Variants in ASAP1 observed in about 807,000 individuals in gnomAD.
ASAP1 encodes the protein arf-GAP with SH3 domain, ANK repeat and PH domain-containing protein 1.
In ASAP1, 43 loss-of-function variants were observed where a neutral mutation model predicts 145.2. The ratio of observed to expected loss-of-function variants is 0.30; its 90% CI spans 0.23 to 0.38. The LOEUF (loss-of-function observed/expected upper bound fraction) is 0.38. Ranked by LOEUF, ASAP1 falls within the 10% of genes least tolerant of loss-of-function variation. The pLI, the probability that ASAP1 is intolerant of heterozygous loss-of-function variation, is 1.00. For missense variants in ASAP1, 1,018 were observed against 1,355.3 expected (o/e 0.75, Z 3.91); for synonymous variants, 546 against 515.5 (o/e 1.06, Z -0.80).
intron 27 of ASAP1, among the ~76,000 whole-genome samples, chr8:130,075,047 G>A (rs902902904): frequency 3.3e-5 from 5 of 152,182 alleles, no homozygotes; most frequent in African/African-American, 1.2e-4. Context: ...AAGCCCCATG[G>A]GCACTGGGAA....
chr8:130,160,058 G>A, intron 11 of ASAP1, 94 bp from the exon 12 acceptor site: 1 of 1,051,812 alleles, frequency 9.5e-7, no homozygotes, highest in Non-Finnish European at 1.5e-6. Context: ...ACTGGTCTGG[G>A]TCTAAGGGAA....
intron 3 of ASAP1, among the ~76,000 whole-genome samples, chr8:130,295,026 G>C (rs542639310): frequency 2.0e-5 from 3 of 152,188 alleles, no homozygotes; most frequent in Non-Finnish European, 4.4e-5. Flanking sequence ...TGCTTTGGGA[G>C]GCTGAGGTGG....
At chr8:130,309,273 T>C (rs1432799587) in intron 3 of ASAP1, among the ~76,000 whole-genome samples, 1 of 152,166 alleles carries the variant, frequency 6.6e-6, no homozygotes, top group Non-Finnish European at 1.5e-5. Context: ...GCAATTAATT[T>C]CAACAGAATG....
At chr8:130,333,678 T>C (rs536832561) in intron 3 of ASAP1, among the ~76,000 whole-genome samples, 26 of 152,322 alleles carry the variant, frequency 1.7e-4, no homozygotes, top group African/African-American at 2.6e-4. Flanking sequence ...GCAGGGCATA[T>C]TGCCATCATG....
intron 4 of ASAP1, among the ~76,000 whole-genome samples, chr8:130,215,559 C>T (rs557661993): frequency 1.4e-4 from 22 of 152,148 alleles, no homozygotes; most frequent in African/African-American, 3.6e-4. Flanking sequence ...CTGACTAACA[C>T]GGTGAAACCC....
chr8:130,160,515 A>T (rs555233053), intron 11 of ASAP1, among the ~76,000 whole-genome samples: 15 of 148,212 alleles, frequency 1.0e-4, no homozygotes, highest in Admixed American at 3.4e-4. Context: ...ACATTTTTTA[A>T]ATTAAGACAA....
At chr8:130,060,142 G>T (rs186513686) in intron 28 of ASAP1, among the ~76,000 whole-genome samples, 1 of 150,516 alleles carries the variant, frequency 6.6e-6, no homozygotes, top group East Asian at 2.0e-4. Flanking sequence ...CCCCGAGAGG[G>T]AAATTGGTTT....
At chr8:130,087,108 C>A (rs2097495073) in intron 25 of ASAP1, among the ~76,000 whole-genome samples, 2 of 152,174 alleles carry the variant, frequency 1.3e-5, no homozygotes, top group Admixed American at 6.6e-5. Context: ...AAAGTGTGAT[C>A]ATCAGCAGAG....
At chr8:130,350,787 C>T (rs2138044978) in intron 3 of ASAP1, among the ~76,000 whole-genome samples, 1 of 152,318 alleles carries the variant, frequency 6.6e-6, no homozygotes, top group South Asian at 2.1e-4. Context: ...AACTAACACC[C>T]AGCAAAAACT....
At chr8:130,058,546 A>G (rs1226222068) in intron 28 of ASAP1, among the ~76,000 whole-genome samples, 1 of 152,260 alleles carries the variant, frequency 6.6e-6, no homozygotes, top group Non-Finnish European at 1.5e-5. Flanking sequence ...CAAAACAGCA[A>G]GTCAGTACAT....
At position 130,149,689 on chromosome 8, in the gene ASAP1, T is replaced by C. The variant is rs114562592; in HGVS notation, c.1080+3047A>G. On this transcript the variant is annotated intron_variant, in intron 13 of 29. Transcript: ENST00000518721. Reference sequence around the variant, plus strand: ...TGACAACAAAAGCTCTTCTCCCCACTTTTTCAAAGAAGCCCTTTATGTTTT... The same window carrying C: ...TGACAACAAAAGCTCTTCTCCCCACCTTTTCAAAGAAGCCCTTTATGTTTT... 3.3e-3 allele frequency among the ~76,000 whole-genome samples: 504 copies of C among 152,324 alleles called. 2 individuals carry two copies. The highest frequency in any genetic ancestry group is 0.012 in the African/African-American group (480 of 41,570).
intron 3 of ASAP1, among the ~76,000 whole-genome samples, chr8:130,242,523 T>C (rs1818600807): frequency 6.6e-6 from 1 of 152,064 alleles, no homozygotes; most frequent in South Asian, 2.1e-4. Flanking sequence ...TGTTGGGCAA[T>C]CATGCTACCT....
At chr8:130,277,196 G>A (rs1820965364) in intron 3 of ASAP1, among the ~76,000 whole-genome samples, 1 of 152,122 alleles carries the variant, frequency 6.6e-6, no homozygotes, top group African/African-American at 2.4e-5. Context: ...AGTGAGACTG[G>A]AGAGAAAGCA....
In ASAP1 at chr8:130,296,310, T is replaced by C. The variant is rs543185485; in HGVS notation, c.187-59316A>G. Among the ~76,000 whole-genome samples the C allele has an allele frequency of 9.8e-5, 15 of 152,314 alleles. No individual in the cohort carries two copies. The East Asian group carries it at 2.5e-3, about 25-fold the overall frequency. ...GTTTGCATTTGGGTGCTTCTCTGTA[T>C]GAAGGACAGGTATTCTCTGTTCATG... On this transcript the variant is annotated intron_variant, in intron 3 of 29. Transcript: ENST00000518721.
intron 23 of ASAP1, among the ~76,000 whole-genome samples, chr8:130,113,775 T>C (rs1161654043): frequency 7.0e-6 from 1 of 142,020 alleles, no homozygotes; most frequent in African/African-American, 2.6e-5. Flanking sequence ...CCTTATGTAC[T>C]TTTTTTTTTT....
intron 3 of ASAP1, among the ~76,000 whole-genome samples, chr8:130,317,884 G>A (rs372569409): frequency 6.6e-6 from 1 of 152,300 alleles, no homozygotes; most frequent in African/African-American, 2.4e-5. Context: ...CTATAATCCT[G>A]AGGAGGAGGG....
intron 4 of ASAP1, among the ~76,000 whole-genome samples, chr8:130,215,066 A>G (rs1251590022): frequency 1.3e-5 from 2 of 151,806 alleles, no homozygotes; most frequent in African/African-American, 4.8e-5. Flanking sequence ...ATGCCCGGCT[A>G]ATTTTTTGTA....
At position 130,132,160 on chromosome 8, in the gene ASAP1, A is replaced by G. The variant is rs114506899; in HGVS notation, c.1217+2136T>C. On this transcript the variant is annotated intron_variant, in intron 15 of 29. Transcript: ENST00000518721. ...ATCCTAGCTTACTAGGACTGTTACC[A>G]TGGGCACATTGTGCCTCTGTTTCCT... Among the ~76,000 whole-genome samples, 1,264 of 152,340 alleles carry G rather than the reference A, an allele frequency of 8.3e-3. 19 individuals are homozygous for G. The highest frequency in any genetic ancestry group is 0.029 in the African/African-American group (1,217 of 41,572).
chr8:130,072,825 G>GTGTGCGTGTGCGCGTGCGCGCGCA lies in ASAP1; in HGVS notation c.2701+3522_2701+3523insTGCGCGCGCACGCGCACACGCACA. On this transcript the variant is annotated intron_variant, in intron 27 of 29. Transcript: ENST00000518721. ...TGTGTGTGTGTGTGTGTGTGTGTGT[G>GTGTGCGTGTGCGCGTGCGCGCGCA]CGCGCGGGGGGGGGCAGTTTTGGGG... Among the ~76,000 whole-genome samples the GTGTGCGTGTGCGCGTGCGCGCGCA allele has an allele frequency of 9.2e-5, 5 of 54,116 alleles. No homozygotes were observed. In the East Asian group the frequency reaches 1.6e-3, roughly 17 times the overall value. The allele number at this position is 54,116 out of a possible 152,430, so 35.5% of individuals were successfully genotyped here.
Sources: allele counts gnomAD v4.1 joint callset (sites outside exome capture counted in the v4.1 genomes callset), GRCh38; gene constraint gnomAD v4.1.1; transcripts MANE v1.5; gene names NCBI Gene and HGNC (gene_info 2026-07-23, HGNC 2026-07-21).